The following KCNJ3 variants were observed in gnomAD, a reference collection of about 807,000 sequenced individuals.
KCNJ3 encodes potassium inwardly rectifying channel subfamily J member 3, also known as G protein-activated inward rectifier potassium channel 1.
In KCNJ3, 4 loss-of-function variants were observed where a neutral mutation model predicts 39.2. The ratio of observed to expected loss-of-function variants is 0.10; its 90% CI spans 0.05 to 0.23. The LOEUF is 0.23. Ranked by LOEUF, KCNJ3 falls within the 10% of genes least tolerant of loss-of-function variation. The pLI is 1.00. For synonymous variants in KCNJ3, 230 were observed against 237.4 expected (o/e 0.97, Z 0.29); for missense variants, 276 against 634.9 (o/e 0.43, Z 6.08).
Position 154,856,479 on chromosome 2 carries a change from C to T in KCNJ3, c.*1166C>T, listed in dbSNP as rs764401509. The T allele has an allele frequency of 1.3e-5, 2 of 152,256 alleles. No homozygotes were observed. The highest frequency in any genetic ancestry group is 2.9e-5 in the Non-Finnish European group (2 of 67,988). 9.4% of individuals were successfully genotyped at this position (152,256 alleles called of 1,614,324 possible). A position where few individuals can be genotyped will look rare whatever the true frequency, so the allele number is the denominator to read the frequency against. On this transcript the variant is annotated 3_prime_UTR_variant, in exon 3 of 3. Transcript: ENST00000295101. ...AAAATATGTATGTCTAATTGAGTCT[C>T]TTTTTTATTCTGTTTTCTTGTTTAT...
intron 2 of KCNJ3, among the ~76,000 whole-genome samples, chr2:154,815,389 A>C (rs377174556): frequency 1.0e-3 from 159 of 152,328 alleles, no homozygotes; most frequent in African/African-American, 3.4e-3. Flanking sequence ...CAGGAACTGC[A>C]TCTTTTGTTC....
chr2:154,774,712 G>A (rs1686302656), intron 2 of KCNJ3, among the ~76,000 whole-genome samples: 2 of 151,938 alleles, frequency 1.3e-5, no homozygotes, highest in Admixed American at 1.3e-4. Context: ...TTAGAAACAG[G>A]GAAAAGGCAA....
rs1457408876 is a variant in KCNJ3 at position 154,803,416 on chromosome 2, TA to T, written c.920-51307del. Among the ~76,000 whole-genome samples, 4 of 151,932 alleles carry T rather than the reference TA, an allele frequency of 2.6e-5. No homozygotes were observed. In the East Asian group the frequency reaches 7.7e-4, roughly 29 times the overall value. ...GACTTTTATAATGTTATTTTTAAAT[TA>T]AAATAGTTCACACGCACTAACACAC... On this transcript the variant is annotated intron_variant, in intron 2 of 2. Coordinates refer to ENST00000295101, the MANE Select transcript of KCNJ3 (RefSeq NM_002239.4).
intron 2 of KCNJ3, among the ~76,000 whole-genome samples, chr2:154,818,209 C>T (rs1687114102): frequency 6.6e-6 from 1 of 152,002 alleles, no homozygotes; most frequent in African/African-American, 2.4e-5. Flanking sequence ...CATATGTAAC[C>T]TTGGACTCCT....
At chr2:154,819,463 A>T (rs1687133595) in intron 2 of KCNJ3, among the ~76,000 whole-genome samples, 1 of 152,050 alleles carries the variant, frequency 6.6e-6, no homozygotes, top group Non-Finnish European at 1.5e-5. Flanking sequence ...ATTACTAAAT[A>T]CTTCTGTGTT....
intron 2 of KCNJ3, among the ~76,000 whole-genome samples, chr2:154,710,211 G>A (rs1052265460): frequency 6.6e-6 from 1 of 152,048 alleles, no homozygotes; most frequent in Non-Finnish European, 1.5e-5. Context: ...CTTGGGGATG[G>A]TGATTTGGGG....
intron 2 of KCNJ3, among the ~76,000 whole-genome samples, chr2:154,740,776 TG>T (rs1685640006): frequency 6.6e-6 from 1 of 152,142 alleles, no homozygotes; most frequent in East Asian, 1.9e-4. Context: ...CATTTTAATG[TG>T]GTACATGAGA....
intron 2 of KCNJ3, among the ~76,000 whole-genome samples, chr2:154,749,710 T>C (rs536975284): frequency 1.3e-5 from 2 of 152,226 alleles, no homozygotes; most frequent in East Asian, 3.9e-4. Context: ...GAACAGATTA[T>C]TACTGAGGGA....
At chr2:154,716,762 G>A (rs1261059888) in intron 2 of KCNJ3, among the ~76,000 whole-genome samples, 2 of 152,188 alleles carry the variant, frequency 1.3e-5, no homozygotes, top group African/African-American at 4.8e-5. Context: ...ATCCTGGAAA[G>A]TGGTAGAACC....
intron 1 of KCNJ3, among the ~76,000 whole-genome samples, chr2:154,701,362 A>G (rs966344156): frequency 1.3e-5 from 2 of 151,608 alleles, no homozygotes; most frequent in African/African-American, 4.8e-5. Flanking sequence ...TAAACATTTA[A>G]GGTTATTTAT....
chr2:154,745,487 G>C (rs926502038), intron 2 of KCNJ3, among the ~76,000 whole-genome samples: 2 of 151,436 alleles, frequency 1.3e-5, no homozygotes, highest in South Asian at 4.1e-4. Flanking sequence ...CTCTGTCCTT[G>C]GTAATTTTTA....
chr2:154,783,523 T>A (rs1429288157), intron 2 of KCNJ3, among the ~76,000 whole-genome samples: 1 of 152,186 alleles, frequency 6.6e-6, no homozygotes, highest in Non-Finnish European at 1.5e-5. Context: ...ACATGGCTTA[T>A]GAAAAAACAC....
At chr2:154,777,605 T>C (rs1296955880) in intron 2 of KCNJ3, among the ~76,000 whole-genome samples, 2 of 152,234 alleles carry the variant, frequency 1.3e-5, no homozygotes, top group African/African-American at 4.8e-5. Context: ...AGTGGTATTA[T>C]TATTAGTTGA....
At chr2:154,825,126 G>T (rs1361556111) in intron 2 of KCNJ3, among the ~76,000 whole-genome samples, 1 of 151,950 alleles carries the variant, frequency 6.6e-6, no homozygotes, top group East Asian at 1.9e-4. Context: ...TCCCTTTTGG[G>T]CATGCTAATA....
intron 2 of KCNJ3, among the ~76,000 whole-genome samples, chr2:154,824,820 T>TA (rs1469614942): frequency 3.3e-5 from 5 of 152,166 alleles, no homozygotes; most frequent in East Asian, 1.9e-4. Context: ...ATGGCTTATA[T>TA]AAAAAAACAC....
chr2:154,726,806 C>CAT (rs1558857520), intron 2 of KCNJ3, among the ~76,000 whole-genome samples: 1 of 147,894 alleles, frequency 6.8e-6, no homozygotes, highest in Non-Finnish European at 1.5e-5. Context: ...TACACACACA[C>CAT]ACACACACAC....
intron 2 of KCNJ3, among the ~76,000 whole-genome samples, chr2:154,843,831 C>T (rs998747572): frequency 1.3e-5 from 2 of 152,244 alleles, no homozygotes; most frequent in Admixed American, 6.5e-5. Context: ...TCTAGTTAGC[C>T]ATTCGTCTAA....
chr2:154,841,710 G>T (rs1045808983), intron 2 of KCNJ3, among the ~76,000 whole-genome samples: 6 of 151,964 alleles, frequency 3.9e-5, no homozygotes, highest in African/African-American at 1.5e-4. Flanking sequence ...AGATTTTCTA[G>T]TTTTTTTGCA....
chr2:154,741,747 A>T (rs1234830492), intron 2 of KCNJ3, among the ~76,000 whole-genome samples: 1 of 151,914 alleles, frequency 6.6e-6, no homozygotes, highest in Non-Finnish European at 1.5e-5. Flanking sequence ...AATGACAGAG[A>T]AATATATATG....
Sources: gnomAD v4.1 joint callset for allele counts (sites outside exome capture counted in the v4.1 genomes callset) on GRCh38, gnomAD v4.1.1 for gene constraint, MANE v1.5 for transcripts, NCBI Gene and HGNC (gene_info 2026-07-23, HGNC 2026-07-21) for gene names.